GALNS: variants seen among roughly 807,000 people sequenced by gnomAD.
GALNS encodes galactosamine (N-acetyl)-6-sulfatase, also known as N-acetylgalactosamine-6-sulfatase.
In GALNS, 65 loss-of-function variants were observed where a neutral mutation model predicts 65.9. The observed-to-expected ratio is 0.99, with a 90% confidence interval of 0.81 to 1.21. The LOEUF (loss-of-function observed/expected upper bound fraction) is 1.21. Ranked by LOEUF, GALNS falls within the 50% of genes most tolerant of loss-of-function variation. The pLI is 0.00. For synonymous variants in GALNS, 346 were observed against 288.9 expected (o/e 1.20, Z -2.00); for missense variants, 776 against 700.7 (o/e 1.11, Z -1.21).
At position 88,827,129 on chromosome 16, in the gene GALNS, C is replaced by T; in HGVS notation, c.1003-291G>A. 1.9e-5 allele frequency: 10 copies of T among 538,288 alleles called. No individual in the cohort carries two copies. In the South Asian group the frequency reaches 2.0e-4, roughly 11 times the overall value. 33.3% of individuals were successfully genotyped at this position (538,288 alleles called of 1,614,324 possible). Reference sequence around the variant, plus strand: ...GAATCACAGCCCTCCCAGGGAGATGCCCCTCCAGGCCCACCTGTCCGGAGA... The same window carrying T: ...GAATCACAGCCCTCCCAGGGAGATGTCCCTCCAGGCCCACCTGTCCGGAGA... On this transcript the variant is annotated intron_variant, in intron 9 of 13. Transcript: ENST00000268695.
At chr16:88,854,982 C>G (rs1967718217) in intron 1 of GALNS, 2 of 336,930 alleles carry the variant, frequency 5.9e-6, no homozygotes, top group Non-Finnish European at 1.2e-5. Flanking sequence ...TCCTGTCACC[C>G]TCCCCCACAT....
intron 8 of GALNS, among the ~76,000 whole-genome samples, chr16:88,834,363 C>CCG (rs1399744181): frequency 2.4e-5 from 3 of 124,534 alleles, no homozygotes; most frequent in African/African-American, 9.1e-5. Context: ...AGGGCCCCCC[C>CCG]CCGCGTGGTC....
At chr16:88,842,570 C>T in intron 2 of GALNS, 136 bp downstream of exon 2, 2 of 1,121,790 alleles carry the variant, frequency 1.8e-6, no homozygotes, top group South Asian at 3.0e-5. Context: ...AGGCCTGAGC[C>T]CACCTGCCAC....
chr16:88,815,931 T>C, intron 13 of GALNS: 1 of 985,348 alleles, frequency 1.0e-6, no homozygotes, highest in Non-Finnish European at 1.2e-6. Context: ...ACACTCCCTC[T>C]CCTCTGTGCC....
chr16:88,856,139 T>A (rs1325282945), intron 1 of GALNS: 2 of 701,980 alleles, frequency 2.8e-6, no homozygotes, highest in African/African-American at 3.5e-5. Context: ...CTGTGACCCC[T>A]GACCCCGCAC....
intron 9 of GALNS, among the ~76,000 whole-genome samples, chr16:88,827,602 A>C (rs957569329): frequency 1.3e-5 from 2 of 151,988 alleles, no homozygotes; most frequent in East Asian, 3.9e-4. Flanking sequence ...ATGTGTCACT[A>C]CGCCCGGCTA....
At chr16:88,830,895 G>A (rs931035078) in intron 9 of GALNS, among the ~76,000 whole-genome samples, 1 of 152,202 alleles carries the variant, frequency 6.6e-6, no homozygotes, top group African/African-American at 2.4e-5. Flanking sequence ...AAAAACGACC[G>A]ATTCTGTAGT....
chr16:88,848,426 G>C (rs1330862351), intron 1 of GALNS, among the ~76,000 whole-genome samples: 2 of 152,174 alleles, frequency 1.3e-5, no homozygotes, highest in Non-Finnish European at 2.9e-5. Flanking sequence ...GTGGTCAGGA[G>C]ATCGAGACCA....
chr16:88,824,890 A>C, intron 10 of GALNS, 21 bp from the exon 11 acceptor site: 1 of 1,606,352 alleles, frequency 6.2e-7, no homozygotes, highest in Middle Eastern at 1.7e-4. Context: ...GGAGGGGAGG[A>C]CCATGTAATG....
At chr16:88,819,927 C>CCG in intron 12 of GALNS, among the ~76,000 whole-genome samples, 1 of 152,246 alleles carries the variant, frequency 6.6e-6, no homozygotes, top group East Asian at 1.9e-4. Context: ...CTCCTGACCT[C>CCG]ATGATCTGCC....
At chr16:88,832,492 CT>C (rs1181496766) in intron 8 of GALNS, among the ~76,000 whole-genome samples, 2 of 152,172 alleles carry the variant, frequency 1.3e-5, no homozygotes, top group East Asian at 1.9e-4. Context: ...AACTTCTGGC[CT>C]CCCCATGGTT....
At chr16:88,819,399 G>A (rs957801327) in intron 12 of GALNS, among the ~76,000 whole-genome samples, 2 of 152,242 alleles carry the variant, frequency 1.3e-5, no homozygotes, top group African/African-American at 4.8e-5. Flanking sequence ...TAATCCAGGA[G>A]GGTCTCAGGT....
In GALNS at chr16:88,856,801, C is replaced by T. The variant is rs1210023208; in HGVS notation, c.77G>A (p.Gly26Asp). ...VLSAAGMGASGAPQPPNILLL... is the reference protein window; with the variant it reads ...VLSAAGMGASDAPQPPNILLL... ...CAGGATGTTGGGGGGCTGCGGGGCG[C>T]CCGAGGCCCCCATCCCCGCGGCGCT... The change falls in exon 1 of 14, where the codon GGC becomes GAC. Residue 26 changes from glycine to aspartate, a missense_variant. By Grantham distance (94) the Gly-to-Asp change is moderately conservative (BLOSUM62 -1). Coordinates refer to ENST00000268695, the MANE Select transcript of GALNS (RefSeq NM_000512.5). The T allele has an allele frequency of 6.5e-7, 1 of 1,540,234 alleles. No homozygotes were observed. The highest frequency in any genetic ancestry group is 1.9e-5 in the Admixed American group (1 of 53,306).
intron 1 of GALNS, 120 bp downstream of exon 1, chr16:88,856,638 G>GGCCT: frequency 2.8e-6 from 1 of 350,892 alleles, no homozygotes; most frequent in Non-Finnish European, 5.5e-6. Context: ...TTCCCCAAGG[G>GGCCT]GCCTCCCCTC....
intron 1 of GALNS, among the ~76,000 whole-genome samples, chr16:88,851,004 G>T (rs528920115): frequency 2.1e-4 from 32 of 152,356 alleles, no homozygotes; most frequent in African/African-American, 7.2e-4. Context: ...CCAGCCGAGG[G>T]CAACGTCCCA....
intron 9 of GALNS, among the ~76,000 whole-genome samples, chr16:88,830,059 C>T (rs955733995): frequency 3.3e-5 from 5 of 152,100 alleles, no homozygotes; most frequent in African/African-American, 4.8e-5. Flanking sequence ...AGTGAAACTC[C>T]GTCTCTACTA....
intron 9 of GALNS, among the ~76,000 whole-genome samples, chr16:88,828,819 CT>C (rs923882955): frequency 6.6e-6 from 1 of 152,190 alleles, no homozygotes; most frequent in African/African-American, 2.4e-5. Context: ...CTCCCCTCAC[CT>C]TTTCCAGGCT....
At position 88,856,765 on chromosome 16, in the gene GALNS, A is replaced by G. The variant is rs1597615079; in HGVS notation, c.113T>C (p.Met38Thr). The change falls in exon 1 of 14, where the codon ATG (methionine) becomes ACG (threonine). Residue 38 changes from methionine to threonine, a missense_variant. By Grantham distance (81) the Met-to-Thr change is moderately conservative (BLOSUM62 -1). Coordinates refer to ENST00000268695, the MANE Select transcript of GALNS (RefSeq NM_000512.5). ...PQPPNILLLL[M>T]DDMGWGDLGV... Reference sequence around the variant, plus strand: ...CCCACCGCCCGCACTCACGTCGTCCATGAGCAGGAGCAGGATGTTGGGGGG... The same window carrying G: ...CCCACCGCCCGCACTCACGTCGTCCGTGAGCAGGAGCAGGATGTTGGGGGG... The G allele has an allele frequency of 2.0e-6, 3 of 1,500,812 alleles. No homozygotes were observed. Among genetic ancestry groups the G allele is most frequent in the Non-Finnish European group, 2.7e-6 (3 of 1,128,326 alleles). 93.0% of individuals were successfully genotyped at this position (1,500,812 alleles called of 1,614,324 possible).
At chr16:88,824,421 G>A (rs1396858280) in intron 11 of GALNS, among the ~76,000 whole-genome samples, 2 of 152,148 alleles carry the variant, frequency 1.3e-5, no homozygotes, top group Non-Finnish European at 1.5e-5. Flanking sequence ...AGCAGGCCAC[G>A]TCTCTGTCGC....
Sources: allele counts gnomAD v4.1 joint callset (sites outside exome capture counted in the v4.1 genomes callset), GRCh38; gene constraint gnomAD v4.1.1; transcripts MANE v1.5; gene names NCBI Gene and HGNC (gene_info 2026-07-23, HGNC 2026-07-21).